KRAS: variants seen among roughly 807,000 people sequenced by gnomAD.
KRAS encodes KRas proto-oncogene, GTPase, also known as GTPase KRas.
Under a neutral mutation model 21.0 loss-of-function variants are expected in KRAS, and 1 was observed. That is an observed-to-expected ratio of 0.05 (90% confidence interval 0.02 to 0.23). The LOEUF (loss-of-function observed/expected upper bound fraction) is 0.23, where lower values mean the gene tolerates loss of function less well. Ranked by LOEUF, KRAS falls within the 10% of genes least tolerant of loss-of-function variation. KRAS has a pLI of 1.00. For missense variants in KRAS, 107 were observed against 221.8 expected, an observed-to-expected ratio of 0.48 and a Z score of 3.29; for synonymous variants, 67 against 72.5, an observed-to-expected ratio of 0.92 and a Z score of 0.39.
In KRAS at chr12:25,209,291, T is replaced by C. The variant is rs1438352302; in HGVS notation, c.*504A>G. ...AGTGTAACTTTACATTCATCAGGGA[T>C]GACAAACTATAGGACATGATGCCTA... On this transcript the variant is annotated 3_prime_UTR_variant, in exon 5 of 5. Transcript: ENST00000311936. 4 of 642,990 alleles carry C rather than the reference T, an allele frequency of 6.2e-6. No individual in the cohort carries two copies. The East Asian group carries it at 1.1e-4, about 18-fold the overall frequency. 39.8% of individuals were successfully genotyped at this position (642,990 alleles called of 1,614,324 possible). A position where few individuals can be genotyped will look rare whatever the true frequency, so the allele number is the denominator to read the frequency against.
chr12:25,210,272 T>C (rs1016746041), intron 4 of KRAS, among the ~76,000 whole-genome samples: 5 of 152,188 alleles, frequency 3.3e-5, no homozygotes, highest in African/African-American at 9.6e-5. Flanking sequence ...GTACACTTAA[T>C]TGTCCTTATG....
chr12:25,229,891 CTT>C (rs1249419703), intron 2 of KRAS, among the ~76,000 whole-genome samples: 1 of 151,776 alleles, frequency 6.6e-6, no homozygotes, highest in East Asian at 1.9e-4. Context: ...GCCTCAGCCT[CTT>C]GAGTAGCTGG....
chr12:25,235,009 CCTTA>C, intron 2 of KRAS: 1 of 335,786 alleles, frequency 3.0e-6, no homozygotes, highest in Non-Finnish European at 5.4e-6. Flanking sequence ...TTTACTGAGC[CCTTA>C]CTTATATGCC....
At chr12:25,213,301 T>C (rs565534006) in intron 4 of KRAS, among the ~76,000 whole-genome samples, 2 of 152,306 alleles carry the variant, frequency 1.3e-5, no homozygotes, top group East Asian at 3.9e-4. Context: ...ACACTTATTT[T>C]ACTCTAAACA....
chr12:25,231,912 A>AATTAT (rs1951476856), intron 2 of KRAS, among the ~76,000 whole-genome samples: 1 of 152,134 alleles, frequency 6.6e-6, no homozygotes, highest in Non-Finnish European at 1.5e-5. Context: ...ACGCAACAAA[A>AATTAT]ATTATATATT....
At chr12:25,235,947 C>G (rs1263011050) in intron 2 of KRAS, among the ~76,000 whole-genome samples, 1 of 152,136 alleles carries the variant, frequency 6.6e-6, no homozygotes, top group Non-Finnish European at 1.5e-5. Flanking sequence ...GTTCACAACA[C>G]GGTTCACGCT....
intron 4 of KRAS, chr12:25,215,585 T>A (rs2141489352): frequency 6.3e-7 from 1 of 1,587,518 alleles, no homozygotes; most frequent in Non-Finnish European, 8.6e-7. Context: ...ACAACTTCTT[T>A]AAAGTCTGTT....
intron 4 of KRAS, chr12:25,215,233 T>A: frequency 2.8e-6 from 2 of 722,572 alleles, no homozygotes; most frequent in Non-Finnish European, 3.4e-6. Flanking sequence ...TAGATTAGTC[T>A]ACTACAGCCA....
Position 25,209,804 on chromosome 12 carries a change from T to C in KRAS, c.558A>G (p.Val186=). ...AAAGTACAAATTGTATTTACATAAT[T>C]ACACACTTTGTCTTTGACTTCTTTT... The part of the protein sequence containing the change: ...KKKKKSKTKC[V]IM Residue 186 remains valine (V), a synonymous_variant, in exon 5 of 5, where the codon GTA becomes GTG. Coordinates refer to ENST00000311936, the MANE Select transcript of KRAS (RefSeq NM_004985.5). The C allele has an allele frequency of 6.2e-7, 1 of 1,607,718 alleles. No homozygotes were observed. Among genetic ancestry groups the C allele is most frequent in the African/African-American group, 1.3e-5 (1 of 74,874 alleles).
At chr12:25,218,986 CT>C (rs556265782) in intron 4 of KRAS, among the ~76,000 whole-genome samples, 2,280 of 150,536 alleles carry the variant, frequency 0.015, 55 homozygotes, top group African/African-American at 0.053. Flanking sequence ...GCCGCCCAGG[CT>C]GGACTGCAGT....
At position 25,209,195 on chromosome 12, in the gene KRAS, A is replaced by C; in HGVS notation, c.*600T>G. On this transcript the variant is annotated 3_prime_UTR_variant, in exon 5 of 5. Coordinates refer to ENST00000311936, the MANE Select transcript of KRAS (RefSeq NM_004985.5). The stretch of plus-strand genomic sequence containing the variant: ...TTTTTCCATTTTTTTCTTTTTATAG[A>C]AAAAATATAATATTTTGGGGAGAGT... 1.5e-6 allele frequency: 1 copy of C among 666,486 alleles called. No homozygotes were observed. Among genetic ancestry groups the C allele is most frequent in the Non-Finnish European group, 2.7e-6 (1 of 370,424 alleles). 41.3% of individuals were successfully genotyped at this position (666,486 alleles called of 1,614,324 possible).
At chr12:25,244,641 C>A (rs1185374446) in intron 2 of KRAS, among the ~76,000 whole-genome samples, 1 of 151,988 alleles carries the variant, frequency 6.6e-6, no homozygotes, top group Admixed American at 6.6e-5. Flanking sequence ...TGAAAATAAT[C>A]CTCAAAAACA....
chr12:25,247,777 T>C (rs1213260049), intron 1 of KRAS, among the ~76,000 whole-genome samples: 4 of 152,208 alleles, frequency 2.6e-5, no homozygotes, highest in South Asian at 2.1e-4. Context: ...TGAATGCAGA[T>C]GCAGATATAA....
intron 4 of KRAS, among the ~76,000 whole-genome samples, chr12:25,223,706 C>T (rs1178746562): frequency 3.3e-5 from 5 of 152,112 alleles, no homozygotes; most frequent in Non-Finnish European, 5.9e-5. Context: ...TATATATTAG[C>T]TGGATAATGA....
intron 3 of KRAS, 27 bp from the exon 4 acceptor site, chr12:25,225,800 C>T (rs1173507788): frequency 6.3e-7 from 1 of 1,599,914 alleles, no homozygotes. Flanking sequence ...AGTTATAGCA[C>T]AGTCATTAGT....
chr12:25,211,502 G>A (rs1242889259), intron 4 of KRAS, among the ~76,000 whole-genome samples: 1 of 152,038 alleles, frequency 6.6e-6, no homozygotes, highest in East Asian at 1.9e-4. Flanking sequence ...TGAACCCGGA[G>A]AGGCGAAGTG....
Position 25,209,755 on chromosome 12 carries a change from C to A in KRAS, c.*40G>T, listed in dbSNP as rs776608612. The A allele has an allele frequency of 1.3e-6, 2 of 1,598,214 alleles. No homozygotes were observed. Among genetic ancestry groups the A allele is most frequent in the Admixed American group, 3.4e-5 (2 of 58,530 alleles). On this transcript the variant is annotated 3_prime_UTR_variant, in exon 5 of 5. Transcript: ENST00000311936. ...TTAGTGTAATGTACAAAAATTACCA[C>A]TTGTACTAGTATGCCTTAAGAAAAA...
chr12:25,237,138 G>A (rs1951553978), intron 2 of KRAS, among the ~76,000 whole-genome samples: 3 of 152,200 alleles, frequency 2.0e-5, no homozygotes. Context: ...GAGGATGCCA[G>A]ACACAAAAGG....
intron 4 of KRAS, among the ~76,000 whole-genome samples, chr12:25,224,488 G>A (rs774755481): frequency 6.6e-6 from 1 of 152,094 alleles, no homozygotes; most frequent in Non-Finnish European, 1.5e-5. Flanking sequence ...AAGATATAAG[G>A]AAAGAAAAAT....
Sources: gnomAD v4.1 joint callset for allele counts (sites outside exome capture counted in the v4.1 genomes callset) on GRCh38, gnomAD v4.1.1 for gene constraint, MANE v1.5 for transcripts, NCBI Gene and HGNC (gene_info 2026-07-23, HGNC 2026-07-21) for gene names.